The following HSD17B2 variants were observed in gnomAD, a reference collection of about 807,000 sequenced individuals.
The protein encoded by HSD17B2 is 17-beta-hydroxysteroid dehydrogenase type 2.
In HSD17B2, 32 loss-of-function variants were observed where a neutral mutation model predicts 26.9. The observed-to-expected ratio is 1.19, with a 90% CI of 0.90 to 1.60. The LOEUF is 1.60. Ranked by LOEUF, HSD17B2 falls within the 40% of genes most tolerant of loss-of-function variation. HSD17B2 has a pLI of 0.00. For synonymous variants in HSD17B2, 246 were observed against 186.7 expected (o/e 1.32, Z -2.59); for missense variants, 613 against 468.6 (o/e 1.31, Z -2.85).
chr16:82,086,894 A>G (rs1408982429), intron 3 of HSD17B2, among the ~76,000 whole-genome samples: 1 of 152,146 alleles, frequency 6.6e-6, no homozygotes, highest in East Asian at 1.9e-4. Flanking sequence ...ACAGACAACT[A>G]CCTTCTTGCT....
At chr16:82,042,513 T>G (rs892257995) in intron 1 of HSD17B2, among the ~76,000 whole-genome samples, 2 of 152,250 alleles carry the variant, frequency 1.3e-5, no homozygotes, top group Non-Finnish European at 2.9e-5. Context: ...CACTTTGCCA[T>G]TTTTGTGGTA....
intron 3 of HSD17B2, among the ~76,000 whole-genome samples, chr16:82,077,838 C>T (rs1000665157): frequency 2.0e-5 from 3 of 151,790 alleles, no homozygotes; most frequent in Non-Finnish European, 4.4e-5. Flanking sequence ...AACTGGATAC[C>T]ATATGCAGAA....
At chr16:82,056,886 C>T (rs1024791006) in intron 1 of HSD17B2, among the ~76,000 whole-genome samples, 2 of 152,132 alleles carry the variant, frequency 1.3e-5, no homozygotes, top group Admixed American at 1.3e-4. Context: ...TTGAGTGAGG[C>T]TGGAAACTTT....
intron 3 of HSD17B2, among the ~76,000 whole-genome samples, chr16:82,077,236 T>C (rs531824899): frequency 4.6e-5 from 7 of 152,164 alleles, no homozygotes; most frequent in Middle Eastern, 6.8e-3. Flanking sequence ...AGAACAAAAC[T>C]GGAGGAATCA....
In HSD17B2 at chr16:82,036,320, T is replaced by TTGTGTG. The variant is rs10609893; in HGVS notation, c.265+669_265+674dup. On this transcript the variant is annotated intron_variant, in intron 1 of 4. Coordinates refer to ENST00000199936, the MANE Select transcript of HSD17B2 (RefSeq NM_002153.3). Reference sequence around the variant, plus strand: ...GCTGAGCTGCCAGTTTTTCCCTTGTTTGTGTGTGTGTGTGTGTGTGTGTGT... The same window carrying TTGTGTG: ...GCTGAGCTGCCAGTTTTTCCCTTGTTTGTGTGTGTGTGTGTGTGTGTGTGTGTGTGT... Among the ~76,000 whole-genome samples, 917 of 145,860 alleles carry TTGTGTG rather than the reference T, an allele frequency of 6.3e-3. 4 individuals are homozygous for TTGTGTG. The highest frequency in any genetic ancestry group is 0.013 in the East Asian group (64 of 4,918).
rs186614524 is a variant in HSD17B2, at chr16:82,074,740, T to C, written c.664+3613T>C. ...AACTAAACAGAGAGATAGACCTCAA[T>C]ACATTAGTAGCTGGAGGCTTCAATA... is the stretch of plus-strand genomic sequence containing the variant. On this transcript the variant is annotated intron_variant, in intron 3 of 4. Coordinates refer to ENST00000199936, the MANE Select transcript of HSD17B2 (RefSeq NM_002153.3). 2.6e-5 allele frequency among the ~76,000 whole-genome samples: 4 copies of C among 152,318 alleles called. No individual in the cohort carries two copies. In the East Asian group the frequency reaches 7.7e-4, roughly 29 times the overall value.
intron 1 of HSD17B2, among the ~76,000 whole-genome samples, chr16:82,040,213 T>C (rs1250965450): frequency 6.6e-6 from 1 of 150,764 alleles, no homozygotes; most frequent in Non-Finnish European, 1.5e-5. Flanking sequence ...TCATCCCTTC[T>C]TGCAATTACT....
chr16:82,058,916 T>G (rs1450063182), intron 1 of HSD17B2, among the ~76,000 whole-genome samples: 2 of 152,158 alleles, frequency 1.3e-5, no homozygotes, highest in African/African-American at 4.8e-5. Context: ...TGATGGGTTG[T>G]GCCTGGACTG....
chr16:82,071,174 C>T (rs1359246282), intron 3 of HSD17B2, 47 bp downstream of exon 3: 4 of 1,555,990 alleles, frequency 2.6e-6, no homozygotes, highest in Non-Finnish European at 3.5e-6. Context: ...CATCACAAGA[C>T]ATGGCTCATG....
rs1170853891 is a variant in HSD17B2, at chr16:82,035,357, C to T, written c.-68C>T. The T allele has an allele frequency of 2.6e-6, 4 of 1,520,756 alleles. No homozygotes were observed. In the African/African-American group the frequency reaches 5.5e-5, roughly 21 times the overall value. The allele number at this position is 1,520,756 out of a possible 1,614,324, so 94.2% of individuals were successfully genotyped here. ...TCTCTGTTCACAGAACTCAGGCTGC[C>T]TCCAGCCAGCCTTTGCCCGCTAGAC... is the stretch of plus-strand genomic sequence containing the variant. On this transcript the variant is annotated 5_prime_UTR_variant, in exon 1 of 5. Transcript: ENST00000199936.
At chr16:82,038,496 C>G (rs368568995) in intron 1 of HSD17B2, among the ~76,000 whole-genome samples, 1 of 152,168 alleles carries the variant, frequency 6.6e-6, no homozygotes, top group South Asian at 2.1e-4. Context: ...ATTACAGGCA[C>G]GTGCTACCAC....
chr16:82,065,582 C>G (rs912076057), intron 1 of HSD17B2, among the ~76,000 whole-genome samples: 2 of 152,172 alleles, frequency 1.3e-5, no homozygotes, highest in Admixed American at 1.3e-4. Flanking sequence ...TTGGTCTCAC[C>G]CAGCAGGGTG....
chr16:82,037,284 C>G (rs531126122), intron 1 of HSD17B2, among the ~76,000 whole-genome samples: 41 of 152,330 alleles, frequency 2.7e-4, no homozygotes, highest in Admixed American at 9.2e-4. Flanking sequence ...AGTTCTCTGT[C>G]ATTTTTATGA....
chr16:82,068,260 C>A lies in HSD17B2; in HGVS notation c.356C>A (p.Pro119Gln). ...GCCGGAGTTTTGAATGAAAATGGCCCAGGAGCTGAGGAATTGCGAAGAACC... is the reference window on the plus strand; with the variant it reads ...GCCGGAGTTTTGAATGAAAATGGCCAAGGAGCTGAGGAATTGCGAAGAACC... ...VFAGVLNENGPGAEELRRTCS... is the reference protein window; with the variant it reads ...VFAGVLNENGQGAEELRRTCS... Residue 119 changes from proline to glutamine, a missense_variant, in exon 2 of 5, where the codon CCA becomes CAA. Physicochemically the swap from Pro to Gln is moderately conservative, Grantham distance 76. Coordinates refer to ENST00000199936, the MANE Select transcript of HSD17B2 (RefSeq NM_002153.3). 2 of 1,614,020 alleles carry A rather than the reference C, an allele frequency of 1.2e-6. No individual in the cohort carries two copies. The highest frequency in any genetic ancestry group is 1.7e-6 in the Non-Finnish European group (2 of 1,180,020).
At chr16:82,036,876 T>C (rs1913640293) in intron 1 of HSD17B2, among the ~76,000 whole-genome samples, 1 of 152,192 alleles carries the variant, frequency 6.6e-6, no homozygotes, top group South Asian at 2.1e-4. Context: ...GGCTTATCGG[T>C]GAAATTTGTA....
chr16:82,063,073 G>A (rs1914484905), intron 1 of HSD17B2: 4 of 152,200 alleles, frequency 2.6e-5, no homozygotes, highest in Non-Finnish European at 2.9e-5. Flanking sequence ...GTCTAGGAGG[G>A]GGTGTTATGA....
Position 82,071,106 on chromosome 16 carries a change from G to C in HSD17B2, c.643G>C (p.Val215Leu), listed in dbSNP as rs754885156. ...PLLRKSKGRL[V>L]NVSSMGGGAP... The stretch of plus-strand genomic sequence containing the variant: ...TCTTAGAAAATCCAAAGGGAGGCTG[G>C]TGAATGTCAGCAGCATGGGAGGTGA... Residue 215 changes from valine to leucine, a missense_variant, in exon 3 of 5, where the codon GTG (valine) becomes CTG (leucine). Physicochemically the swap from Val to Leu is conservative, Grantham distance 32. Transcript: ENST00000199936. 1.2e-6 allele frequency: 2 copies of C among 1,614,160 alleles called. No homozygotes were observed. Among genetic ancestry groups the C allele is most frequent in the Non-Finnish European group, 1.7e-6 (2 of 1,180,000 alleles).
At chr16:82,071,178 G>A (rs760882182) in intron 3 of HSD17B2, 51 bp downstream of exon 3, 1 of 1,558,952 alleles carries the variant, frequency 6.4e-7, no homozygotes, top group South Asian at 1.1e-5. Context: ...ACAAGACATG[G>A]CTCATGGCAT....
At chr16:82,090,830 T>G in intron 3 of HSD17B2, 72 bp from the exon 4 acceptor site, 1 of 1,408,784 alleles carries the variant, frequency 7.1e-7, no homozygotes, top group Non-Finnish European at 9.6e-7. Flanking sequence ...CAGTAGACAC[T>G]GATTAAATAT....
Sources: allele counts gnomAD v4.1 joint callset (sites outside exome capture counted in the v4.1 genomes callset), GRCh38; gene constraint gnomAD v4.1.1; transcripts MANE v1.5; gene names NCBI Gene and HGNC (gene_info 2026-07-23, HGNC 2026-07-21).